The following PPFIBP2 variants were observed in gnomAD, a reference collection of about 807,000 sequenced individuals.
PPFIBP2 encodes the protein PPFIB scaffold protein 2.
PPFIBP2 carries 118 observed loss-of-function variants against 118.3 expected under a neutral mutation model. That is an observed-to-expected ratio of 1.00 (90% CI 0.86 to 1.16). PPFIBP2 has a LOEUF of 1.16. Among genes scored for constraint, PPFIBP2 ranks in the 50% most tolerant of loss-of-function variants. The pLI, the probability that PPFIBP2 is intolerant of heterozygous loss-of-function variation, is 0.00. For missense variants in PPFIBP2, 1,195 were observed against 1,073.1 expected, an observed-to-expected ratio of 1.11 and a Z score of -1.59; for synonymous variants, 414 against 397.4, an observed-to-expected ratio of 1.04 and a Z score of -0.50.
intron 4 of PPFIBP2, chr11:7,597,282 CCTGTGG>C: frequency 6.5e-7 from 1 of 1,535,492 alleles, no homozygotes; most frequent in Non-Finnish European, 8.7e-7. Context: ...AGAGGCAGCT[CCTGTGG>C]CTGTTGGGTG....
intron 1 of PPFIBP2, among the ~76,000 whole-genome samples, chr11:7,546,547 C>T (rs1384174709): frequency 5.9e-5 from 9 of 152,190 alleles, no homozygotes; most frequent in African/African-American, 1.7e-4. Context: ...CTGAGGCCAC[C>T]TGATTTGTTA....
intron 3 of PPFIBP2, chr11:7,577,701 G>A: frequency 2.2e-6 from 1 of 455,512 alleles, no homozygotes; most frequent in Non-Finnish European, 4.4e-6. Context: ...ACGCTTTGGG[G>A]TGTTTTGGGG....
chr11:7,667,031 G>T, the PPFIBP2 span: 1 of 152,480 alleles, frequency 6.6e-6, no homozygotes, highest in Non-Finnish European at 1.5e-5. Context: ...CCCATTTGGG[G>T]GAAAGGGAAC....
At chr11:7,651,100 T>C in intron 22 of PPFIBP2, 135 bp downstream of exon 22, 1 of 925,750 alleles carries the variant, frequency 1.1e-6, no homozygotes, top group East Asian at 2.6e-5. Flanking sequence ...TAATTTGATG[T>C]CTCAAAGTAT....
Position 7,628,351 on chromosome 11 carries a change from G to A in PPFIBP2, c.888+5G>A. 6.2e-7 allele frequency: 1 copy of A among 1,613,506 alleles called. No homozygotes were observed. Among genetic ancestry groups the A allele is most frequent in the South Asian group, 1.1e-5 (1 of 91,016 alleles). On this transcript the variant is annotated splice_donor_5th_base_variant and intron_variant, in intron 9 of 23. Coordinates refer to ENST00000299492, the MANE Select transcript of PPFIBP2 (RefSeq NM_003621.5). The stretch of plus-strand genomic sequence containing the variant: ...CTGCTTGCCAATGAAGATAAGGTAA[G>A]ATGGTCATTGGGTAGCCCTGTCTTT...
chr11:7,651,779 C>G lies in PPFIBP2; in HGVS notation c.2371C>G (p.Gln791Glu). 1 of 1,614,064 alleles carries G rather than the reference C, an allele frequency of 6.2e-7. No individual in the cohort carries two copies. Among genetic ancestry groups the G allele is most frequent in the East Asian group, 2.2e-5 (1 of 44,870 alleles). ...TGCCTTGATTGGTCCGGAGGCTGAA[C>G]AGGAGAAGCGAGAGAAAATGGCCTC... ...FNALIGPEAE[Q>E]EKREKMASPA... Residue 791 changes from glutamine (Q) to glutamate (E), a missense_variant, in exon 23 of 24, where the codon CAG becomes GAG. Physicochemically the swap from Gln to Glu is conservative, Grantham distance 29 (BLOSUM62 2). Transcript: ENST00000299492.
chr11:7,619,214 G>A (rs1325491042), intron 6 of PPFIBP2, among the ~76,000 whole-genome samples: 1 of 152,208 alleles, frequency 6.6e-6, no homozygotes, highest in African/African-American at 2.4e-5. Context: ...TGCAAATTAT[G>A]TAGGAGGTAC....
At chr11:7,600,781 C>A (rs560672849) in intron 5 of PPFIBP2, among the ~76,000 whole-genome samples, 7 of 152,254 alleles carry the variant, frequency 4.6e-5, no homozygotes, top group African/African-American at 1.7e-4. Context: ...AGTTGACTGC[C>A]CATGTAGGCC....
intron 14 of PPFIBP2, among the ~76,000 whole-genome samples, chr11:7,637,222 G>A (rs1360731104): frequency 3.9e-5 from 6 of 152,184 alleles, no homozygotes; most frequent in East Asian, 1.9e-4. Flanking sequence ...TAGGCTCAGC[G>A]CTAGTTTCTC....
At position 7,639,600 on chromosome 11, in the gene PPFIBP2, T is replaced by C. The variant is rs1213705513; in HGVS notation, c.1237-132T>C. 3.5e-6 allele frequency: 4 copies of C among 1,138,660 alleles called. No individual in the cohort carries two copies. In the East Asian group the frequency reaches 9.6e-5, roughly 27 times the overall value. 70.5% of individuals were successfully genotyped at this position (1,138,660 alleles called of 1,614,324 possible). ...CTTTCTCGGACTAGCTAAATAATCTTTGAGGGGTGTTCAAGTCACCATATG... is the reference window on the plus strand; with the variant it reads ...CTTTCTCGGACTAGCTAAATAATCTCTGAGGGGTGTTCAAGTCACCATATG... On this transcript the variant is annotated intron_variant, in intron 14 of 23. Transcript: ENST00000299492.
At chr11:7,606,886 ATTTTTTTTTTTTTTTTTT>A (rs529585905) in intron 5 of PPFIBP2, among the ~76,000 whole-genome samples, 20 of 51,438 alleles carry the variant, frequency 3.9e-4, no homozygotes, top group South Asian at 3.6e-3. Context: ...AACTGCATGA[ATTTTTTTTTTTTTTTTTT>A]TTTTTTTTTT....
chr11:7,544,594 GA>G (rs1852123926), intron 1 of PPFIBP2, among the ~76,000 whole-genome samples: 2 of 151,944 alleles, frequency 1.3e-5, no homozygotes, highest in South Asian at 4.2e-4. Flanking sequence ...CTAACACGGT[GA>G]AACCCCATCT....
At position 7,632,890 on chromosome 11, in the gene PPFIBP2, T is replaced by G. The variant is rs143708076; in HGVS notation, c.1092T>G (p.Pro364=). ...KQEMPPRCSS[P]TVGPPPLPQK... is the part of the protein sequence containing the mutation. ...AGATGCCTCCAAGATGTAGCTCTCC[T>G]ACAGTGGGGCCACCTCCATTGCCAC... Residue 364 remains proline (P), a synonymous_variant, in exon 12 of 24, where the codon CCT becomes CCG. Coordinates refer to ENST00000299492, the MANE Select transcript of PPFIBP2 (RefSeq NM_003621.5). 2.4e-5 allele frequency: 38 copies of G among 1,613,786 alleles called. No individual in the cohort carries two copies.
chr11:7,666,511 T>C, the PPFIBP2 span: 2 of 1,613,618 alleles, frequency 1.2e-6, no homozygotes, highest in Middle Eastern at 1.7e-4. Context: ...GTCCTGGCAA[T>C]TTCTTCAAGC....
At chr11:7,591,491 G>C (rs1859306108) in intron 3 of PPFIBP2, among the ~76,000 whole-genome samples, 1 of 151,242 alleles carries the variant, frequency 6.6e-6, no homozygotes, top group African/African-American at 2.4e-5. Context: ...CTGGTTCTGA[G>C]AAAATATAGA....
At chr11:7,590,031 C>G (rs904800874) in intron 3 of PPFIBP2, among the ~76,000 whole-genome samples, 1 of 152,158 alleles carries the variant, frequency 6.6e-6, no homozygotes, top group Non-Finnish European at 1.5e-5. Context: ...AAGAATGATA[C>G]CAGAACGTGA....
chr11:7,649,424 C>G, intron 20 of PPFIBP2, 108 bp from the exon 21 acceptor site: 1 of 1,464,668 alleles, frequency 6.8e-7, no homozygotes, highest in Non-Finnish European at 9.4e-7. Context: ...TCCACGTGCA[C>G]CTTCCTGAGA....
At chr11:7,530,920 G>T (rs1850624851) in intron 1 of PPFIBP2, among the ~76,000 whole-genome samples, 1 of 152,126 alleles carries the variant, frequency 6.6e-6, no homozygotes, top group Admixed American at 6.5e-5. Flanking sequence ...TGATTCTGAG[G>T]AACTGTTTGG....
At chr11:7,556,501 G>A (rs1054475771) in intron 2 of PPFIBP2, among the ~76,000 whole-genome samples, 1 of 152,118 alleles carries the variant, frequency 6.6e-6, no homozygotes, top group Admixed American at 6.5e-5. Flanking sequence ...TCTCATCACT[G>A]CCCCATCTTC....
Sources: allele counts gnomAD v4.1 joint callset (sites outside exome capture counted in the v4.1 genomes callset), GRCh38; gene constraint gnomAD v4.1.1; transcripts MANE v1.5; gene names NCBI Gene and HGNC (gene_info 2026-07-23, HGNC 2026-07-21).